The following TMEM132B variants were observed in gnomAD, a reference collection of about 807,000 sequenced individuals.
The protein encoded by TMEM132B is transmembrane protein 132B.
TMEM132B carries 18 observed loss-of-function variants against 90.8 expected under a neutral mutation model. The ratio of observed to expected loss-of-function variants is 0.20; its 90% confidence interval spans 0.14 to 0.29. The LOEUF is 0.29. Among genes scored for constraint, TMEM132B ranks in the 10% least tolerant of loss-of-function variants. The pLI, the probability that TMEM132B is intolerant of heterozygous loss-of-function variation, is 1.00. For synonymous variants in TMEM132B, 504 were observed against 523.3 expected (o/e 0.96, Z 0.50); for missense variants, 1,096 against 1,326.8 (o/e 0.83, Z 2.70).
In TMEM132B at chr12:125,251,024, A is replaced by G. The variant is rs1323494779; in HGVS notation, c.67+64158A>G. Among the ~76,000 whole-genome samples, 2 of 152,158 alleles carry G rather than the reference A, an allele frequency of 1.3e-5. No homozygotes were observed. Among genetic ancestry groups the G allele is most frequent in the East Asian group, 3.9e-4 (2 of 5,182 alleles). ...GTTACATTTAATGAGGTTTCTCTAA[A>G]AAGAAGAGATCATTTCCGACTATTG... On this transcript the variant is annotated intron_variant, in intron 1 of 8. Coordinates refer to ENST00000682704, the MANE Select transcript of TMEM132B (RefSeq NM_001366854.1). The surrounding 1 kb of genome is among the most constrained non-coding windows in gnomAD (Gnocchi z 4.4).
At chr12:125,577,893 C>T (rs1163115228) in intron 4 of TMEM132B, among the ~76,000 whole-genome samples, 3 of 151,706 alleles carry the variant, frequency 2.0e-5, no homozygotes, top group Non-Finnish European at 4.4e-5. Context: ...GTTTAATTTC[C>T]GAATGTTTAC....
chr12:125,375,987 C>G (rs1878468698), intron 2 of TMEM132B, among the ~76,000 whole-genome samples: 1 of 152,232 alleles, frequency 6.6e-6, no homozygotes, highest in South Asian at 2.1e-4. Context: ...ACCACTTACT[C>G]TTGGTGCTGA....
At chr12:125,254,699 T>C (rs1323534243) in intron 1 of TMEM132B, among the ~76,000 whole-genome samples, 1 of 151,576 alleles carries the variant, frequency 6.6e-6, no homozygotes, top group African/African-American at 2.4e-5. Context: ...TTTTTTTTTT[T>C]TCAGATGGAG....
intron 1 of TMEM132B, among the ~76,000 whole-genome samples, chr12:125,189,694 T>A: frequency 6.6e-6 from 1 of 151,754 alleles, no homozygotes; most frequent in Non-Finnish European, 1.5e-5. Flanking sequence ...ATGCAGGGAG[T>A]TGGGGAGGCG....
chr12:125,550,003 G>T (rs1450642626), intron 4 of TMEM132B, among the ~76,000 whole-genome samples: 1 of 152,196 alleles, frequency 6.6e-6, no homozygotes, highest in Non-Finnish European at 1.5e-5. Context: ...TCCTTTGTCA[G>T]CTGGTGCAGT....
intron 4 of TMEM132B, among the ~76,000 whole-genome samples, chr12:125,550,812 CT>C (rs1351263685): frequency 6.6e-6 from 1 of 151,042 alleles, no homozygotes; most frequent in Non-Finnish European, 1.5e-5. Flanking sequence ...GAGTTTCACT[CT>C]TGTTGCCCAG....
chr12:125,313,475 T>C (rs1876168602), intron 1 of TMEM132B, among the ~76,000 whole-genome samples: 1 of 150,484 alleles, frequency 6.6e-6, no homozygotes. Flanking sequence ...TCTTCCTTTT[T>C]TCCCTTCCTC....
In TMEM132B at chr12:125,432,511, G is replaced by GTGTGTATA. The variant is rs1555248848; in HGVS notation, c.1106+16835_1106+16836insGTGTATAT. Among the ~76,000 whole-genome samples, 144 of 18,524 alleles carry GTGTGTATA rather than the reference G, an allele frequency of 7.8e-3. 36 individuals are homozygous for GTGTGTATA. Among genetic ancestry groups the GTGTGTATA allele is most frequent in the African/African-American group, 0.041 (126 of 3,078 alleles). The allele number at this position is 18,524 out of a possible 152,430, so 12.2% of individuals were successfully genotyped here. The stretch of plus-strand genomic sequence containing the variant: ...TGTATGTGTATATATATGTGTGTGT[G>GTGTGTATA]TATATATATATATATATAGAGAGAG... On this transcript the variant is annotated intron_variant, in intron 3 of 8. Coordinates refer to ENST00000682704, the MANE Select transcript of TMEM132B (RefSeq NM_001366854.1).
intron 2 of TMEM132B, among the ~76,000 whole-genome samples, chr12:125,352,167 T>C (rs910239983): frequency 6.6e-6 from 1 of 152,240 alleles, no homozygotes; most frequent in African/African-American, 2.4e-5. Flanking sequence ...CATGATAGTC[T>C]GGCCTTATCC....
At chr12:125,380,200 G>A (rs1302709224) in intron 2 of TMEM132B, among the ~76,000 whole-genome samples, 60 of 152,128 alleles carry the variant, frequency 3.9e-4, no homozygotes, top group Admixed American at 3.8e-3. Context: ...ATATGTCCCC[G>A]TGGTTCTCTC....
chr12:125,358,778 C>CT (rs1337297099), intron 2 of TMEM132B, among the ~76,000 whole-genome samples: 1 of 152,184 alleles, frequency 6.6e-6, no homozygotes, highest in African/African-American at 2.4e-5. Flanking sequence ...CTGTTTCCCC[C>CT]TTTGTAGTTG....
intron 1 of TMEM132B, among the ~76,000 whole-genome samples, chr12:125,238,967 G>T (rs1025762532): frequency 2.6e-5 from 4 of 152,128 alleles, no homozygotes; most frequent in South Asian, 2.1e-4. Flanking sequence ...GTCCTCAAAA[G>T]ATTTACATTC....
In TMEM132B at chr12:125,553,206, C is replaced by T. The variant is rs58029677; in HGVS notation, c.1294-30645C>T. On this transcript the variant is annotated intron_variant, in intron 4 of 8. Transcript: ENST00000682704. ...CTAATAGCTTCTCTGTACTGAATACCCTTTAGGGAATGTACTATTTCCTGC... is the reference window on the plus strand; with the variant it reads ...CTAATAGCTTCTCTGTACTGAATACTCTTTAGGGAATGTACTATTTCCTGC... 4.1e-3 allele frequency among the ~76,000 whole-genome samples: 628 copies of T among 152,230 alleles called. 5 individuals carry two copies. Among genetic ancestry groups the T allele is most frequent in the African/African-American group, 0.014 (588 of 41,536 alleles).
At chr12:125,326,550 G>T in intron 1 of TMEM132B, 1 of 1,467,300 alleles carries the variant, frequency 6.8e-7, no homozygotes, top group Non-Finnish European at 9.2e-7. Flanking sequence ...GGGGAGGTGG[G>T]AATTAGGAAC....
intron 1 of TMEM132B, among the ~76,000 whole-genome samples, chr12:125,333,525 C>T (rs1167535978): frequency 2.0e-5 from 3 of 152,204 alleles, no homozygotes; most frequent in Non-Finnish European, 4.4e-5. Context: ...CAACTCTGCC[C>T]TCCTCAGTGT....
At chr12:125,272,549 G>A (rs1265444338) in intron 1 of TMEM132B, among the ~76,000 whole-genome samples, 5 of 152,042 alleles carry the variant, frequency 3.3e-5, no homozygotes, top group Non-Finnish European at 7.4e-5. Context: ...TGCACTGCTC[G>A]AGCTCCTGAG....
intron 1 of TMEM132B, among the ~76,000 whole-genome samples, chr12:125,294,917 ACAATAAAATAT>A (rs1875629588): frequency 6.6e-6 from 1 of 152,248 alleles, no homozygotes; most frequent in Non-Finnish European, 1.5e-5. Flanking sequence ...AGTGGTGTAT[ACAATAAAATAT>A]CAACTTATTG....
intron 1 of TMEM132B, chr12:125,327,382 CTT>C (rs1048274329): frequency 1.3e-5 from 2 of 152,384 alleles, no homozygotes; most frequent in African/African-American, 4.8e-5. Context: ...CAAAATGCCT[CTT>C]TGTCTTTTCT....
chr12:125,599,765 G>A (rs557881564), intron 5 of TMEM132B, among the ~76,000 whole-genome samples: 2 of 152,316 alleles, frequency 1.3e-5, no homozygotes, highest in South Asian at 4.1e-4. Context: ...CATGGTCTGA[G>A]TTACCTGGGC....
Sources: allele counts gnomAD v4.1 joint callset (sites outside exome capture counted in the v4.1 genomes callset), GRCh38; gene constraint gnomAD v4.1.1; non-coding constraint Gnocchi (gnomAD v3.1); transcripts MANE v1.5; gene names NCBI Gene and HGNC (gene_info 2026-07-23, HGNC 2026-07-21).